AATK: variants seen among roughly 807,000 people sequenced by gnomAD.
AATK encodes the protein serine/threonine-protein kinase LMTK1.
In AATK, 91 loss-of-function variants were observed where a neutral mutation model predicts 114.3. The observed-to-expected ratio is 0.80, with a 90% CI of 0.67 to 0.95. The LOEUF (loss-of-function observed/expected upper bound fraction) is 0.95. Ranked by LOEUF, AATK falls within the 40% of genes least tolerant of loss-of-function variation. The pLI is 0.00. For synonymous variants in AATK, 1,075 were observed against 916.5 expected (o/e 1.17, Z -3.12); for missense variants, 2,176 against 1,965.2 (o/e 1.11, Z -2.03).
At position 81,149,896 on chromosome 17, in the gene AATK, C is replaced by G. The variant is rs72858409; in HGVS notation, c.56-15395G>C. Among the ~76,000 whole-genome samples the G allele has an allele frequency of 3.4e-3, 520 of 152,280 alleles. 1 individual carries two copies. Among genetic ancestry groups the G allele is most frequent in the Middle Eastern group, 0.01 (3 of 294 alleles). On this transcript the variant is annotated intron_variant, in intron 1 of 13. Transcript: ENST00000326724. ...CCTGGAGGGGCATGTCCCTCTGGTC[C>G]GACAGCTCAAGCCCCTGAGGAAGGT...
intron 1 of AATK, among the ~76,000 whole-genome samples, chr17:81,137,253 G>A (rs1223456523): frequency 7.3e-6 from 1 of 136,522 alleles, no homozygotes; most frequent in African/African-American, 2.8e-5. Flanking sequence ...GTAAGACTCC[G>A]CCTTAAAAAA....
In AATK at chr17:81,120,929, C is replaced by T. The variant is rs751074172; in HGVS notation, c.3007G>A (p.Ala1003Thr). 78 of 1,603,158 alleles carry T rather than the reference C, an allele frequency of 4.9e-5. No homozygotes were observed. The highest frequency in any genetic ancestry group is 6.0e-6 in the Non-Finnish European group (7 of 1,175,540). The change falls in exon 11 of 14, where the codon GCT becomes ACT. Residue 1003 changes from alanine (A) to threonine (T), a missense_variant. Coordinates refer to ENST00000326724, the MANE Select transcript of AATK (RefSeq NM_001080395.3). ...GGGCCTGAGGTGGCCTCGGCCTCAGCCTCGAGGTCTGAGAAGTAGGCAGAG... is the reference window on the plus strand; with the variant it reads ...GGGCCTGAGGTGGCCTCGGCCTCAGTCTCGAGGTCTGAGAAGTAGGCAGAG... ...RDSAYFSDLE[A>T]EAEATSGPEK...
chr17:81,129,114 C>T (rs992522054), intron 3 of AATK, among the ~76,000 whole-genome samples: 7 of 152,230 alleles, frequency 4.6e-5, no homozygotes, highest in Non-Finnish European at 1.0e-4. Context: ...CCAGCGCTGG[C>T]AGAGCCCACT....
chr17:81,136,057 G>A (rs2061004747), intron 1 of AATK: 1 of 152,288 alleles, frequency 6.6e-6, no homozygotes. Context: ...AACACAGGCA[G>A]GGGCTCACGA....
chr17:81,151,740 C>A (rs1229451242), intron 1 of AATK, among the ~76,000 whole-genome samples: 1 of 152,180 alleles, frequency 6.6e-6, no homozygotes, highest in Admixed American at 6.5e-5. Context: ...TCACAGTCAC[C>A]AGAGGGTTGC....
At chr17:81,158,094 G>A (rs957889998) in intron 1 of AATK, among the ~76,000 whole-genome samples, 5 of 152,246 alleles carry the variant, frequency 3.3e-5, no homozygotes, top group African/African-American at 7.2e-5. Context: ...CGGGCGTCGC[G>A]GATGCATGCC....
In AATK at chr17:81,121,123, C is replaced by T; in HGVS notation, c.2813G>A (p.Gly938Asp). The stretch of plus-strand genomic sequence containing the variant: ...GGACTCATAGTTCTCGGTGTCATAG[C>T]CACTGTCCAGCGCTCGCGGCTGCCC... Reference protein sequence around the residue: ...SGGQPRALDSGYDTENYESPE... With the variant: ...SGGQPRALDSDYDTENYESPE... The change falls in exon 11 of 14, where the codon GGC (glycine) becomes GAC (aspartate). Residue 938 changes from glycine (G) to aspartate (D), a missense_variant. By Grantham distance (94) the Gly-to-Asp change is moderately conservative (BLOSUM62 -1). Transcript: ENST00000326724. The T allele has an allele frequency of 1.9e-6, 3 of 1,605,772 alleles. No individual in the cohort carries two copies. Among genetic ancestry groups the T allele is most frequent in the African/African-American group, 1.3e-5 (1 of 74,946 alleles).
rs1035372933 is a variant in AATK, at chr17:81,121,189, C to T, written c.2747G>A (p.Gly916Asp). The change falls in exon 11 of 14, where the codon GGC becomes GAC. Residue 916 changes from glycine to aspartate, a missense_variant. Around this residue, in one of 4 missense-constraint regions of AATK, gnomAD observed 1,701 missense variants for 1,394.7 expected, o/e 1.22. Coordinates refer to ENST00000326724, the MANE Select transcript of AATK (RefSeq NM_001080395.3). Reference protein sequence around the residue: ...LDIPSSASDGGYEVFSPSATG... With the variant: ...LDIPSSASDGDYEVFSPSATG... ...GGCCGACGGGCTGAAGACCTCATAG[C>T]CACCATCACTGGCTGAGGACGGGAT... The T allele has an allele frequency of 1.2e-6, 2 of 1,603,250 alleles. No individual in the cohort carries two copies. The highest frequency in any genetic ancestry group is 2.7e-5 in the African/African-American group (2 of 74,740).
chr17:81,132,900 A>AGGAGGAGCTG, intron 2 of AATK: 2 of 240,274 alleles, frequency 8.3e-6, no homozygotes, highest in South Asian at 7.6e-5. Flanking sequence ...AGGAGGAGCT[A>AGGAGGAGCTG]TGGCCAGCCC....
chr17:81,142,566 G>A (rs2061154509), intron 1 of AATK, among the ~76,000 whole-genome samples: 1 of 152,250 alleles, frequency 6.6e-6, no homozygotes. Context: ...CCATTGTCCA[G>A]CTCTGGAGCA....
intron 2 of AATK, among the ~76,000 whole-genome samples, chr17:81,133,630 G>A (rs1048561749): frequency 6.6e-6 from 1 of 152,212 alleles, no homozygotes; most frequent in African/African-American, 2.4e-5. Context: ...GGAGACTCTG[G>A]GAGGGGGAGG....
At chr17:81,154,448 G>A (rs1403639115) in intron 1 of AATK, among the ~76,000 whole-genome samples, 2 of 151,054 alleles carry the variant, frequency 1.3e-5, no homozygotes, top group Non-Finnish European at 2.9e-5. Context: ...AGCCTCCCAG[G>A]TAACTGGGAT....
chr17:81,119,539 C>T lies in AATK; in HGVS notation c.3925G>A (p.Ala1309Thr). ...AGGGCCATGGCGAAGGCTGCCTTGG[C>T]CGTCATCAGCGGGAAGTCGTCGTCC... ...AWDDDFPLMT[A>T]KAAFAMALDP... Residue 1309 changes from alanine to threonine, a missense_variant, in exon 13 of 14, where the codon GCC becomes ACC. This residue lies in a region of AATK where 1,701 missense variants were observed against 1,394.7 expected (regional missense o/e 1.22). Transcript: ENST00000326724. 6.3e-7 allele frequency: 1 copy of T among 1,579,408 alleles called. No individual in the cohort carries two copies. The highest frequency in any genetic ancestry group is 8.6e-7 in the Non-Finnish European group (1 of 1,165,330).
intron 1 of AATK, among the ~76,000 whole-genome samples, chr17:81,145,561 C>T (rs572878345): frequency 5.3e-5 from 8 of 151,820 alleles, no homozygotes; most frequent in African/African-American, 1.9e-4. Context: ...GATGAAACCC[C>T]GTCTCTACTA....
intron 9 of AATK, among the ~76,000 whole-genome samples, chr17:81,124,337 A>G (rs2060760708): frequency 6.6e-6 from 1 of 152,066 alleles, no homozygotes; most frequent in Admixed American, 6.5e-5. Context: ...GCCGTGGGAG[A>G]TCCCAGCACC....
intron 13 of AATK, among the ~76,000 whole-genome samples, chr17:81,118,848 G>T (rs1004874372): frequency 6.6e-6 from 1 of 152,204 alleles, no homozygotes; most frequent in East Asian, 1.9e-4. Flanking sequence ...CTGGCAGGGG[G>T]CCTTCTCCGA....
At chr17:81,139,066 G>A (rs1360126606) in intron 1 of AATK, among the ~76,000 whole-genome samples, 2 of 152,130 alleles carry the variant, frequency 1.3e-5, no homozygotes. Flanking sequence ...ATGCAAACAT[G>A]CACACACATG....
chr17:81,141,480 T>G lies in AATK; in HGVS notation c.56-6979A>C, dbSNP rs78911421. ...GAAAAGAAAGTAAGTGACTTTCAAT[T>G]TCTGACTTCCAGAACCTACGATAAT... On this transcript the variant is annotated intron_variant, in intron 1 of 13. Transcript: ENST00000326724. 9.6e-3 allele frequency among the ~76,000 whole-genome samples: 1,455 copies of G among 152,278 alleles called. 31 individuals carry two copies. Among genetic ancestry groups the G allele is most frequent in the African/African-American group, 0.033 (1,371 of 41,544 alleles).
Position 81,121,482 on chromosome 17 carries a change from G to T in AATK, c.2454C>A (p.Asp818Glu). Residue 818 changes from aspartate to glutamate, a missense_variant, in exon 11 of 14, where the codon GAC (aspartate) becomes GAA (glutamate). This residue lies in a region of AATK where 1,701 missense variants were observed against 1,394.7 expected (regional missense o/e 1.22). Transcript: ENST00000326724. Reference protein sequence around the residue: ...PLPSEEASAPDAPDALPDSPT... With the variant: ...PLPSEEASAPEAPDALPDSPT... ...GAGAGTCAGGCAGGGCATCAGGGGCGTCGGGGGCACTGGCCTCCTCCGAGG... is the reference window on the plus strand; with the variant it reads ...GAGAGTCAGGCAGGGCATCAGGGGCTTCGGGGGCACTGGCCTCCTCCGAGG... The T allele has an allele frequency of 6.4e-7, 1 of 1,569,394 alleles. No homozygotes were observed. The highest frequency in any genetic ancestry group is 8.6e-7 in the Non-Finnish European group (1 of 1,156,138).
Sources: gnomAD v4.1 joint callset for allele counts (sites outside exome capture counted in the v4.1 genomes callset) on GRCh38, gnomAD v4.1.1 for gene constraint, gnomAD v4.1.1 regional missense constraint, MANE v1.5 for transcripts, NCBI Gene and HGNC (gene_info 2026-07-23, HGNC 2026-07-21) for gene names.